Variants in RAB37 observed in about 807,000 individuals in gnomAD.
RAB37 encodes RAB37, member RAS oncogene family.
RAB37 carries 29 observed loss-of-function variants against 33.1 expected under a neutral mutation model. The ratio of observed to expected loss-of-function variants is 0.88; its 90% CI spans 0.65 to 1.20. RAB37 has a LOEUF of 1.20. RAB37 is among the 50% of genes most tolerant of loss of function. RAB37 has a pLI of 0.00. For synonymous variants in RAB37, 128 were observed against 119.5 expected (o/e 1.07, Z -0.47); for missense variants, 299 against 301.1 (o/e 0.99, Z 0.05).
chr17:74,699,259 G>A (rs2032812704), intron 1 of RAB37, among the ~76,000 whole-genome samples: 1 of 152,110 alleles, frequency 6.6e-6, no homozygotes, highest in Non-Finnish European at 1.5e-5. Context: ...GGTTCCATGA[G>A]GTGGTTTTAA....
intron 1 of RAB37, among the ~76,000 whole-genome samples, chr17:74,716,116 G>A (rs771418742): frequency 7.9e-5 from 12 of 152,154 alleles, no homozygotes; most frequent in Non-Finnish European, 1.8e-4. Context: ...CAGGGGAATC[G>A]GCTCTTCTGC....
chr17:74,719,695 TATTGTAGAATAG>T (rs1310929720), intron 1 of RAB37, among the ~76,000 whole-genome samples: 1 of 152,076 alleles, frequency 6.6e-6, no homozygotes, highest in African/African-American at 2.4e-5. Flanking sequence ...TTGTTTTATT[TATTGTAGAATAG>T]GGTCTTCCTA....
At chr17:74,723,418 C>G (rs940140490) in intron 1 of RAB37, among the ~76,000 whole-genome samples, 2 of 144,142 alleles carry the variant, frequency 1.4e-5, no homozygotes, top group Admixed American at 7.1e-5. Context: ...ACTGCCTTCT[C>G]GTACTTGTGG....
chr17:74,704,450 A>G, intron 1 of RAB37: 1 of 1,497,602 alleles, frequency 6.7e-7, no homozygotes, highest in African/African-American at 1.4e-5. Context: ...GCCCTGAGAG[A>G]CACACACATA....
intron 1 of RAB37, among the ~76,000 whole-genome samples, chr17:74,728,320 T>C (rs998195438): frequency 6.6e-6 from 1 of 151,946 alleles, no homozygotes; most frequent in Admixed American, 6.6e-5. Context: ...TGTTTGTGTG[T>C]ACATGTGTGT....
chr17:74,727,743 T>C lies in RAB37; in HGVS notation c.73-1513T>C, dbSNP rs550523918. ...CATTAACTTGGAGGGAGATCTCCTC[T>C]GTGCCTTCATGCCCCTTTCAGTGAC... On this transcript the variant is annotated intron_variant, in intron 1 of 7. Coordinates refer to the RAB37 transcript ENST00000340415. Among the ~76,000 whole-genome samples, 3 of 152,378 alleles carry C rather than the reference T, an allele frequency of 2.0e-5. No homozygotes were observed. The East Asian group carries it at 5.8e-4, about 29-fold the overall frequency.
intron 1 of RAB37, among the ~76,000 whole-genome samples, chr17:74,712,042 G>C (rs927657861): frequency 6.6e-6 from 1 of 150,886 alleles, no homozygotes; most frequent in East Asian, 2.0e-4. Context: ...CTCCCAAGTA[G>C]CTGGGACCAT....
intron 1 of RAB37, among the ~76,000 whole-genome samples, chr17:74,726,704 T>A (rs989829254): frequency 1.3e-5 from 2 of 152,208 alleles, no homozygotes; most frequent in Non-Finnish European, 1.5e-5. Flanking sequence ...GACAACCTCA[T>A]GGTAAGCAGA....
chr17:74,724,351 C>A (rs2034278949), intron 1 of RAB37, among the ~76,000 whole-genome samples: 1 of 152,104 alleles, frequency 6.6e-6, no homozygotes, highest in African/African-American at 2.4e-5. Context: ...TGAGCCTTTC[C>A]AAAGGAGGCA....
intron 1 of RAB37, among the ~76,000 whole-genome samples, chr17:74,683,738 G>T (rs1467909620): frequency 4.6e-5 from 7 of 152,162 alleles, no homozygotes; most frequent in African/African-American, 1.7e-4. Context: ...CCTTCTGATG[G>T]CCTCACACCA....
Position 74,729,715 on chromosome 17 carries a change from G to GCCAGGAGAACAATCCC in RAB37, c.183+351_183+366dup, listed in dbSNP as rs1168874267. ...CCCATGGGAGCCCCCCAGGGAGGCAGCCAGGAGAACAATCCCCTGTCCCAC... is the reference window on the plus strand; with the variant it reads ...CCCATGGGAGCCCCCCAGGGAGGCAGCCAGGAGAACAATCCCCCAGGAGAACAATCCCCTGTCCCAC... On this transcript the variant is annotated intron_variant, in intron 2 of 7. Coordinates refer to the RAB37 transcript ENST00000340415. This position sits in a 1 kb window ranked among gnomAD's most constrained non-coding sequence, Gnocchi z 4.2. 6.6e-6 allele frequency among the ~76,000 whole-genome samples: 1 copy of GCCAGGAGAACAATCCC among 152,128 alleles called. No homozygotes were observed. The highest frequency in any genetic ancestry group is 1.5e-5 in the Non-Finnish European group (1 of 68,030).
In RAB37 at chr17:74,671,367, C is replaced by G; in HGVS notation, c.-220C>G. On this transcript the variant is annotated 5_prime_UTR_variant, in exon 1 of 8. Coordinates refer to the RAB37 transcript ENST00000340415. This position sits in a 1 kb window ranked among gnomAD's most constrained non-coding sequence, Gnocchi z 5.0. ...GGCGCACAACGGCGGAGTCGCTGTT[C>G]CTGGTGCTGAAACGCTCAGTCCTGG... is the stretch of plus-strand genomic sequence containing the variant. The G allele has an allele frequency of 2.4e-5, 13 of 548,088 alleles. No individual in the cohort carries two copies. The highest frequency in any genetic ancestry group is 2.9e-5 in the East Asian group (1 of 34,322). 34.0% of individuals were successfully genotyped at this position (548,088 alleles called of 1,614,324 possible).
chr17:74,744,820 G>GC lies in RAB37; in HGVS notation c.433-50dup. On this transcript the variant is annotated intron_variant, in intron 6 of 8. Transcript: ENST00000392613. The surrounding 1 kb of genome is among the most constrained non-coding windows in gnomAD (Gnocchi z 4.2). ...CGCCTGCTTCTGGGGCAAAATATGG[G>GC]CCCGCTGGGGCGGAGGCCTCCTTCC... 1 of 1,607,468 alleles carries GC rather than the reference G, an allele frequency of 6.2e-7. No individual in the cohort carries two copies. Among genetic ancestry groups the GC allele is most frequent in the Non-Finnish European group, 8.5e-7 (1 of 1,173,968 alleles).
At position 74,738,230 on chromosome 17, in the gene RAB37, G is replaced by C. The variant is rs2034526782; in HGVS notation, c.93+865G>C. On this transcript the variant is annotated intron_variant, in intron 1 of 8. Coordinates refer to ENST00000392613, the MANE Select transcript of RAB37 (RefSeq NM_001006638.3). The surrounding 1 kb of genome is among the most constrained non-coding windows in gnomAD (Gnocchi z 5.0). ...GTCCTGGATTCCGCTGCATGGCCTT[G>C]AAGGAGACCTGCCTCTCTCTGGGCC... 6.6e-6 allele frequency among the ~76,000 whole-genome samples: 1 copy of C among 152,150 alleles called. No individual in the cohort carries two copies. Among genetic ancestry groups the C allele is most frequent in the South Asian group, 2.1e-4 (1 of 4,818 alleles).
At chr17:74,719,174 T>C (rs1357692288) in intron 1 of RAB37, among the ~76,000 whole-genome samples, 1 of 152,152 alleles carries the variant, frequency 6.6e-6, no homozygotes, top group Non-Finnish European at 1.5e-5. Flanking sequence ...CAGGCCAAGT[T>C]TGGTGGCTCA....
At position 74,698,609 on chromosome 17, in the gene RAB37, G is replaced by A. The variant is rs1279517622; in HGVS notation, c.72+26951G>A. 9 of 1,496,732 alleles carry A rather than the reference G, an allele frequency of 6.0e-6. No individual in the cohort carries two copies. The East Asian group carries it at 1.5e-4, about 25-fold the overall frequency. 92.7% of individuals were successfully genotyped at this position (1,496,732 alleles called of 1,614,324 possible). Reference sequence around the variant, plus strand: ...CTGCAGGTCTGTAGTTTGCAGCCTGGGAACCCTCACTCCTGGGGATCCTCA... The same window carrying A: ...CTGCAGGTCTGTAGTTTGCAGCCTGAGAACCCTCACTCCTGGGGATCCTCA... On this transcript the variant is annotated intron_variant, in intron 1 of 7. Transcript: ENST00000340415.
At position 74,740,787 on chromosome 17, in the gene RAB37, C is replaced by T; in HGVS notation, c.113C>T (p.Thr38Ile). The T allele has an allele frequency of 6.2e-7, 1 of 1,613,952 alleles. No individual in the cohort carries two copies. The highest frequency in any genetic ancestry group is 1.1e-5 in the South Asian group (1 of 91,078). Residue 38 changes from threonine (T) to isoleucine (I), a missense_variant, in exon 2 of 9, where the codon ACA (threonine) becomes ATA (isoleucine). By Grantham distance (89) the Thr-to-Ile change is moderately conservative. Coordinates refer to ENST00000392613, the MANE Select transcript of RAB37 (RefSeq NM_001006638.3). ...CCCTAGGTGATGCTTCTGGGAGACA[C>T]AGGCGTCGGCAAAACATGTTTCCTG... is the stretch of plus-strand genomic sequence containing the variant. ...LTGKVMLLGD[T>I]GVGKTCFLIQ...
chr17:74,691,189 G>C (rs1485297236), intron 1 of RAB37, among the ~76,000 whole-genome samples: 1 of 152,112 alleles, frequency 6.6e-6, no homozygotes, highest in African/African-American at 2.4e-5. Flanking sequence ...ATTAATTATT[G>C]TAGGTCTCCC....
At chr17:74,743,391 C>G in intron 5 of RAB37, 51 bp downstream of exon 5, 1 of 1,589,864 alleles carries the variant, frequency 6.3e-7, no homozygotes, top group Non-Finnish European at 8.6e-7. Context: ...AAGGCAAGGT[C>G]TATGCAGGCT....
Sources: allele counts gnomAD v4.1 joint callset (sites outside exome capture counted in the v4.1 genomes callset), GRCh38; gene constraint gnomAD v4.1.1; non-coding constraint Gnocchi (gnomAD v3.1); transcripts MANE v1.5; gene names NCBI Gene and HGNC (gene_info 2026-07-23, HGNC 2026-07-21).